The following ATP6V1D variants were observed in gnomAD, a reference collection of about 807,000 sequenced individuals.
ATP6V1D encodes the protein V-type proton ATPase subunit D.
Under a neutral mutation model 39.4 loss-of-function variants are expected in ATP6V1D, and 20 were observed. The ratio of observed to expected loss-of-function variants is 0.51; its 90% confidence interval spans 0.36 to 0.74. ATP6V1D has a LOEUF of 0.74. Among genes scored for constraint, ATP6V1D ranks in the 30% least tolerant of loss-of-function variants. ATP6V1D has a pLI of 0.00. For missense variants in ATP6V1D, 228 were observed against 291.6 expected, an observed-to-expected ratio of 0.78 and a Z score of 1.59; for synonymous variants, 100 against 100.5, an observed-to-expected ratio of 0.99 and a Z score of 0.03.
intron 7 of ATP6V1D, among the ~76,000 whole-genome samples, 154 bp from the exon 8 acceptor site, chr14:67,340,672 T>C (rs1359224524): frequency 6.6e-6 from 1 of 152,230 alleles, no homozygotes; most frequent in African/African-American, 2.4e-5. Context: ...AAAGAAGCTC[T>C]TCCTCTCCCC....
chr14:67,342,239 G>GA (rs1566597043), intron 7 of ATP6V1D, among the ~76,000 whole-genome samples: 2 of 148,880 alleles, frequency 1.3e-5, no homozygotes, highest in South Asian at 2.1e-4. Context: ...AAAACACAAA[G>GA]AAAAAAAGTA....
At chr14:67,347,484 T>C (rs28422832) in intron 4 of ATP6V1D, 31 bp from the exon 5 acceptor site, 106,963 of 1,500,996 alleles carry the variant, frequency 0.071, 12,601 homozygotes, top group East Asian at 0.4. Context: ...CATGGATTCA[T>C]AAACCTTTAA....
rs1005638650 is a variant in ATP6V1D, at chr14:67,359,603, C to A, written c.41+55G>T. The A allele has an allele frequency of 6.2e-6, 10 of 1,604,700 alleles. No individual in the cohort carries two copies. The African/African-American group carries it at 1.2e-4, about 19-fold the overall frequency. On this transcript the variant is annotated intron_variant, in intron 1 of 8. Transcript: ENST00000216442. The stretch of plus-strand genomic sequence containing the variant: ...CACTGTGGCCCAGGGTCTGAAGGGA[C>A]CGCGCTCCGGGTTCCTAAACCTGTG...
chr14:67,358,366 C>A (rs764311839), intron 1 of ATP6V1D, among the ~76,000 whole-genome samples: 4 of 152,008 alleles, frequency 2.6e-5, no homozygotes, highest in Non-Finnish European at 5.9e-5. Context: ...ATTTAGTCAC[C>A]GGGCAGAAAG....
intron 5 of ATP6V1D, among the ~76,000 whole-genome samples, chr14:67,347,179 T>A (rs1005359919): frequency 1.3e-5 from 2 of 151,986 alleles, no homozygotes; most frequent in Non-Finnish European, 2.9e-5. Flanking sequence ...GAGATGGAGA[T>A]TTGCCTGCCT....
intron 4 of ATP6V1D, among the ~76,000 whole-genome samples, chr14:67,347,925 T>G (rs2085631440): frequency 1.3e-5 from 2 of 152,044 alleles, no homozygotes; most frequent in African/African-American, 4.8e-5. Context: ...TCTTTTTTTT[T>G]TTTTGAGACA....
rs537146463 is a variant in ATP6V1D, at chr14:67,339,575, C to T, written c.603-813G>A. Among the ~76,000 whole-genome samples, 37 of 152,214 alleles carry T rather than the reference C, an allele frequency of 2.4e-4. 1 individual carries two copies. Among genetic ancestry groups the T allele is most frequent in the Non-Finnish European group, 4.7e-4 (32 of 68,008 alleles). On this transcript the variant is annotated intron_variant, in intron 8 of 8. Transcript: ENST00000216442. ...TACACTACCAGTTTAGTATTTATACCTGTTGACTCTAAATGTTCATAACCA... is the reference window on the plus strand; with the variant it reads ...TACACTACCAGTTTAGTATTTATACTTGTTGACTCTAAATGTTCATAACCA...
chr14:67,356,217 C>T (rs909232094), intron 1 of ATP6V1D, among the ~76,000 whole-genome samples: 1 of 151,920 alleles, frequency 6.6e-6, no homozygotes. Context: ...GTCAGGAGTT[C>T]GAGACCACCC....
intron 2 of ATP6V1D, among the ~76,000 whole-genome samples, chr14:67,352,317 A>G (rs2085659571): frequency 6.6e-6 from 1 of 151,910 alleles, no homozygotes. Context: ...TAAAAATAAA[A>G]AAAATGAGCT....
intron 6 of ATP6V1D, among the ~76,000 whole-genome samples, chr14:67,345,277 C>T (rs2085612182): frequency 6.6e-6 from 1 of 151,176 alleles, no homozygotes; most frequent in African/African-American, 2.4e-5. Flanking sequence ...AAAGTAGGGG[C>T]CAGGTGCAGT....
intron 6 of ATP6V1D, 83 bp from the exon 7 acceptor site, chr14:67,343,521 T>C: frequency 1.0e-6 from 1 of 962,636 alleles, no homozygotes; most frequent in Non-Finnish European, 1.6e-6. Context: ...AGACTGCACT[T>C]GTAGAAAACA....
chr14:67,343,951 T>C (rs2085603701), intron 6 of ATP6V1D, among the ~76,000 whole-genome samples: 1 of 152,240 alleles, frequency 6.6e-6, no homozygotes. Flanking sequence ...TTTGGTAGGT[T>C]TCCAAATTAA....
intron 6 of ATP6V1D, among the ~76,000 whole-genome samples, chr14:67,343,932 C>T (rs1185682475): frequency 6.6e-6 from 1 of 152,216 alleles, no homozygotes; most frequent in Non-Finnish European, 1.5e-5. Context: ...TGATAACCTA[C>T]ATGTCACATT....
chr14:67,344,862 C>T (rs975434705), intron 6 of ATP6V1D, among the ~76,000 whole-genome samples: 1 of 150,734 alleles, frequency 6.6e-6, no homozygotes, highest in East Asian at 2.0e-4. Flanking sequence ...GCCTGGGCAA[C>T]AGAGCAAGAT....
At chr14:67,343,086 C>T (rs554667255) in intron 7 of ATP6V1D, among the ~76,000 whole-genome samples, 1 of 152,310 alleles carries the variant, frequency 6.6e-6, no homozygotes, top group South Asian at 2.1e-4. Flanking sequence ...TATTCCTACC[C>T]TTAAATAACT....
intron 6 of ATP6V1D, among the ~76,000 whole-genome samples, chr14:67,344,929 C>T (rs1200329181): frequency 6.6e-6 from 1 of 150,696 alleles, no homozygotes; most frequent in African/African-American, 2.4e-5. Flanking sequence ...TGTACCATAG[C>T]ACATACATTT....
At chr14:67,354,174 G>A (rs927789103) in intron 1 of ATP6V1D, among the ~76,000 whole-genome samples, 1 of 152,058 alleles carries the variant, frequency 6.6e-6, no homozygotes, top group Non-Finnish European at 1.5e-5. Flanking sequence ...CAATAATGTA[G>A]ATTTCTACCA....
Position 67,339,790 on chromosome 14 carries a change from A to G in ATP6V1D, c.602+650T>C, listed in dbSNP as rs551541900. Among the ~76,000 whole-genome samples, 3 of 152,272 alleles carry G rather than the reference A, an allele frequency of 2.0e-5. No homozygotes were observed. In the East Asian group the frequency reaches 5.8e-4, roughly 29 times the overall value. ...ATGTAGGAGGCACCCAATCTAAATC[A>G]TCATTTCATTTTAAAGAATAATCAA... On this transcript the variant is annotated intron_variant, in intron 8 of 8. Coordinates refer to ENST00000216442, the MANE Select transcript of ATP6V1D (RefSeq NM_015994.4).
chr14:67,343,580 C>G, intron 6 of ATP6V1D, 142 bp from the exon 7 acceptor site: 2 of 629,328 alleles, frequency 3.2e-6, no homozygotes, highest in Non-Finnish European at 5.5e-6. Flanking sequence ...AAACAAAATT[C>G]TTAGGCTGGG....
Sources: gnomAD v4.1 joint callset for allele counts (sites outside exome capture counted in the v4.1 genomes callset) on GRCh38, gnomAD v4.1.1 for gene constraint, MANE v1.5 for transcripts, NCBI Gene and HGNC (gene_info 2026-07-23, HGNC 2026-07-21) for gene names.